The following ACSM1 variants were observed in gnomAD, a reference collection of about 807,000 sequenced individuals.
ACSM1 encodes acyl-coenzyme A synthetase ACSM1, mitochondrial.
In ACSM1, 79 loss-of-function variants were observed where a neutral mutation model predicts 75.8. The ratio of observed to expected loss-of-function variants is 1.04; its 90% CI spans 0.87 to 1.26. The LOEUF is 1.26. Ranked by LOEUF, ACSM1 falls within the 50% of genes most tolerant of loss-of-function variation. The probability of loss-of-function intolerance (pLI) is 0.00; values close to 1 mark genes in which losing one functional copy is unlikely to be tolerated. For synonymous variants in ACSM1, 279 were observed against 265.8 expected (o/e 1.05, Z -0.48); for missense variants, 676 against 720.1 (o/e 0.94, Z 0.70).
rs146302462 is a variant in ACSM1, at chr16:20,625,049, T to C, written c.1527+374A>G. On this transcript the variant is annotated intron_variant, in intron 12 of 13. Transcript: ENST00000520010. ...TAACACTTTTCAATATACAAATGCATGTATGTTCGGGAGCCACATTGCTGA... is the reference window on the plus strand; with the variant it reads ...TAACACTTTTCAATATACAAATGCACGTATGTTCGGGAGCCACATTGCTGA... Among the ~76,000 whole-genome samples, 466 of 152,272 alleles carry C rather than the reference T, an allele frequency of 3.1e-3. 2 individuals carry two copies. Among genetic ancestry groups the C allele is most frequent in the Non-Finnish European group, 5.4e-3 (369 of 68,016 alleles).
At chr16:20,675,339 G>A (rs935331174) in intron 4 of ACSM1, among the ~76,000 whole-genome samples, 8 of 152,164 alleles carry the variant, frequency 5.3e-5, no homozygotes, top group African/African-American at 7.2e-5. Context: ...ATCCCTTAGC[G>A]CAGGCTGTGT....
chr16:20,681,141 T>C (rs1567306259), intron 4 of ACSM1: 1 of 152,204 alleles, frequency 6.6e-6, no homozygotes, highest in Non-Finnish European at 1.5e-5. Context: ...CCAATCTATA[T>C]GCTCAACTGC....
intron 7 of ACSM1, among the ~76,000 whole-genome samples, chr16:20,645,209 C>T (rs1395216159): frequency 6.6e-6 from 1 of 152,196 alleles, no homozygotes; most frequent in Admixed American, 6.5e-5. Flanking sequence ...AGGACTGCTA[C>T]ATTGGTGAGC....
chr16:20,657,613 T>C (rs1467568412), intron 7 of ACSM1, among the ~76,000 whole-genome samples: 3 of 151,778 alleles, frequency 2.0e-5, no homozygotes, highest in Non-Finnish European at 4.4e-5. Flanking sequence ...CCAATGTTTT[T>C]TTTTTTATTA....
At chr16:20,697,163 C>G (rs552219429) in intron 1 of ACSM1, among the ~76,000 whole-genome samples, 4 of 152,132 alleles carry the variant, frequency 2.6e-5, no homozygotes, top group Non-Finnish European at 5.9e-5. Flanking sequence ...GCCTCAATCT[C>G]CTGGGCTACA....
chr16:20,659,787 T>C (rs1483160837), intron 7 of ACSM1, among the ~76,000 whole-genome samples: 1 of 152,212 alleles, frequency 6.6e-6, no homozygotes, highest in Non-Finnish European at 1.5e-5. Context: ...TGAAGTCTGC[T>C]ATCTGAGAGT....
chr16:20,652,274 G>C (rs2018687840), intron 7 of ACSM1, among the ~76,000 whole-genome samples: 1 of 152,016 alleles, frequency 6.6e-6, no homozygotes, highest in Non-Finnish European at 1.5e-5. Flanking sequence ...TTGATATTAA[G>C]TTTCTGGGTA....
intron 11 of ACSM1, 98 bp from the exon 12 acceptor site, chr16:20,625,620 G>T: frequency 8.8e-7 from 1 of 1,138,012 alleles, no homozygotes; most frequent in Non-Finnish European, 1.3e-6. Flanking sequence ...GGCACAGAGG[G>T]TGGAGGTCAT....
chr16:20,678,583 A>G (rs1369222138), intron 4 of ACSM1, among the ~76,000 whole-genome samples: 3 of 152,246 alleles, frequency 2.0e-5, no homozygotes, highest in South Asian at 2.1e-4. Context: ...CAGAGAAGGA[A>G]CTAGAGGTGA....
intron 5 of ACSM1, 126 bp from the exon 6 acceptor site, chr16:20,670,112 C>A: frequency 1.1e-6 from 1 of 872,584 alleles, no homozygotes; most frequent in Non-Finnish European, 1.8e-6. Flanking sequence ...GTGTGGGGCT[C>A]CATACCACCC....
At chr16:20,657,318 GT>G (rs1190012348) in intron 7 of ACSM1, among the ~76,000 whole-genome samples, 1 of 151,460 alleles carries the variant, frequency 6.6e-6, no homozygotes, top group Admixed American at 6.6e-5. Flanking sequence ...TTTGTTTTTT[GT>G]TTTTTTCACA....
Position 20,623,396 on chromosome 16 carries a change from A to G in ACSM1, c.*90T>C, listed in dbSNP as rs2016726086. The G allele has an allele frequency of 8.9e-7, 1 of 1,124,564 alleles. No homozygotes were observed. Among genetic ancestry groups the G allele is most frequent in the Non-Finnish European group, 1.3e-6 (1 of 754,150 alleles). 69.7% of individuals were successfully genotyped at this position (1,124,564 alleles called of 1,614,324 possible). A position where few individuals can be genotyped will look rare whatever the true frequency, so the allele number is the denominator to read the frequency against. On this transcript the variant is annotated 3_prime_UTR_variant, in exon 14 of 14. Transcript: ENST00000520010. The stretch of plus-strand genomic sequence containing the variant: ...ATACTTTCCCAAATCAACACTCTCA[A>G]TGCCCCACCCTCGTCCTCACCATAG...
At chr16:20,624,683 G>T (rs2016803631) in intron 12 of ACSM1, among the ~76,000 whole-genome samples, 1 of 152,126 alleles carries the variant, frequency 6.6e-6, no homozygotes, top group Non-Finnish European at 1.5e-5. Flanking sequence ...CTCACATATA[G>T]AAGGTGATTA....
Position 20,691,055 on chromosome 16 carries a change from A to T in ACSM1, c.134T>A (p.Val45Glu), listed in dbSNP as rs1380550267. The change falls in exon 2 of 14, where the codon GTA becomes GAA. Residue 45 changes from valine (V) to glutamate (E), a missense_variant. By Grantham distance (121) the Val-to-Glu change is moderately radical. Transcript: ENST00000520010. ...ACTTGCAAAGTTAAATTCCTCCGGT[A>T]CTTCATAGTCATTCCATCTTGGGGC... ...FGAPRWNDYEVPEEFNFASYV... is the reference protein window; with the variant it reads ...FGAPRWNDYEEPEEFNFASYV... 5.6e-6 allele frequency: 9 copies of T among 1,613,638 alleles called. No individual in the cohort carries two copies. Among genetic ancestry groups the T allele is most frequent in the Non-Finnish European group, 7.6e-6 (9 of 1,179,866 alleles).
intron 12 of ACSM1, among the ~76,000 whole-genome samples, chr16:20,624,681 T>C (rs146105500): frequency 3.3e-5 from 5 of 152,298 alleles, no homozygotes; most frequent in Admixed American, 6.5e-5. Context: ...GTCTCACATA[T>C]AGAAGGTGAT....
chr16:20,635,413 T>C (rs1329309123), intron 10 of ACSM1, among the ~76,000 whole-genome samples: 1 of 152,126 alleles, frequency 6.6e-6, no homozygotes, highest in African/African-American at 2.4e-5. Context: ...ATATATTTCT[T>C]TGGATTATCC....
rs2079593802 is a variant in ACSM1, at chr16:20,688,482, AG to A, written c.192+2514del. On this transcript the variant is annotated intron_variant, in intron 2 of 13. Transcript: ENST00000520010. ...ATAAACCTCAAGTAGAATAAATCCA[AG>A]GAGGACCAATATCAAGACACATTAT... 2.0e-5 allele frequency among the ~76,000 whole-genome samples: 3 copies of A among 152,276 alleles called. No individual in the cohort carries two copies. In the South Asian group the frequency reaches 6.2e-4, roughly 32 times the overall value.
At chr16:20,685,034 C>A (rs2079520880) in intron 3 of ACSM1, among the ~76,000 whole-genome samples, 159 bp downstream of exon 3, 1 of 152,226 alleles carries the variant, frequency 6.6e-6, no homozygotes, top group African/African-American at 2.4e-5. Context: ...ATAATTCCCA[C>A]AGGGCAGGAA....
At chr16:20,695,317 CA>C (rs1315039919) in intron 1 of ACSM1, among the ~76,000 whole-genome samples, 1 of 152,164 alleles carries the variant, frequency 6.6e-6, no homozygotes, top group East Asian at 1.9e-4. Context: ...TGCCTGAAGC[CA>C]TGGTGATAAA....
Sources: gnomAD v4.1 joint callset for allele counts (sites outside exome capture counted in the v4.1 genomes callset) on GRCh38, gnomAD v4.1.1 for gene constraint, MANE v1.5 for transcripts, NCBI Gene and HGNC (gene_info 2026-07-23, HGNC 2026-07-21) for gene names.